PAFAH1B3: variants seen among roughly 807,000 people sequenced by gnomAD.
PAFAH1B3 encodes platelet activating factor acetylhydrolase 1b catalytic subunit 3.
In PAFAH1B3, 15 loss-of-function variants were observed where a neutral mutation model predicts 24.4. That is an observed-to-expected ratio of 0.62 (90% confidence interval 0.41 to 0.95). The LOEUF is 0.95. Among genes scored for constraint, PAFAH1B3 ranks in the 40% least tolerant of loss-of-function variants. The pLI is 0.00. For missense variants in PAFAH1B3, 266 were observed against 312.2 expected (o/e 0.85, Z 1.12); for synonymous variants, 144 against 126.5 (o/e 1.14, Z -0.93).
At chr19:42,299,341 T>TC (rs1433731328) in intron 4 of PAFAH1B3, among the ~76,000 whole-genome samples, 1 of 152,084 alleles carries the variant, frequency 6.6e-6, no homozygotes, top group Non-Finnish European at 1.5e-5. Flanking sequence ...GGTCTTGAAC[T>TC]CCCGACCTCA....
chr19:42,299,847 T>G (rs2147383491), intron 4 of PAFAH1B3, 123 bp downstream of exon 4: 1,946 of 1,234,652 alleles, frequency 1.6e-3, no homozygotes, highest in Non-Finnish European at 2.0e-3. Flanking sequence ...AGCTCCAACG[T>G]GAGATTCTGC....
chr19:42,300,717 C>T (rs2038608683), intron 2 of PAFAH1B3, among the ~76,000 whole-genome samples: 1 of 152,180 alleles, frequency 6.6e-6, no homozygotes, highest in Non-Finnish European at 1.5e-5. Context: ...TGGGGTTTCA[C>T]CATGTGGGCC....
At chr19:42,301,573 A>T (rs2038627217) in intron 2 of PAFAH1B3, among the ~76,000 whole-genome samples, 1 of 152,200 alleles carries the variant, frequency 6.6e-6, no homozygotes, top group South Asian at 2.1e-4. Context: ...AGATATTATT[A>T]TGATTGAGTC....
Position 42,302,473 on chromosome 19 carries a change from C to T in PAFAH1B3, c.-164G>A, listed in dbSNP as rs1184678758. On this transcript the variant is annotated 5_prime_UTR_variant, in exon 1 of 5. Coordinates refer to ENST00000262890, the MANE Select transcript of PAFAH1B3 (RefSeq NM_002573.4). ...GAAGGCCGATACAGGGCGCCGCCTC[C>T]TCTCCAGGGACGGAAGCCTTCACTT... The T allele has an allele frequency of 1.6e-6, 1 of 616,152 alleles. No individual in the cohort carries two copies. The highest frequency in any genetic ancestry group is 2.8e-6 in the Non-Finnish European group (1 of 356,348). 38.2% of individuals were successfully genotyped at this position (616,152 alleles called of 1,614,324 possible).
Position 42,300,097 on chromosome 19 carries a change from G to T in PAFAH1B3, c.286-5C>A. On this transcript the variant is annotated splice_region_variant and splice_polypyrimidine_tract_variant and intron_variant, in intron 3 of 4. Transcript: ENST00000262890. ...GCCCACCCAGACCACCACAATCTGTGGAAAAAGAGACATGAAGCAGCGGTG... is the reference window on the plus strand; with the variant it reads ...GCCCACCCAGACCACCACAATCTGTTGAAAAAGAGACATGAAGCAGCGGTG... 1 of 1,614,088 alleles carries T rather than the reference G, an allele frequency of 6.2e-7. No individual in the cohort carries two copies. Among genetic ancestry groups the T allele is most frequent in the Non-Finnish European group, 8.5e-7 (1 of 1,180,000 alleles).
rs1391580490 is a variant in PAFAH1B3, at chr19:42,297,428, A to G, written c.409-63T>C. On this transcript the variant is annotated intron_variant, in intron 4 of 4. Transcript: ENST00000262890. ...TTTGAGTATCTTGTTCTCTGTGCCA[A>G]CCTGTCCTCCACCCACCACCATGAA... 2.0e-5 allele frequency: 24 copies of G among 1,229,288 alleles called. 1 individual carries two copies. The South Asian group carries it at 2.9e-4, about 15-fold the overall frequency. 76.1% of individuals were successfully genotyped at this position (1,229,288 alleles called of 1,614,324 possible). A position where few individuals can be genotyped will look rare whatever the true frequency, so the allele number is the denominator to read the frequency against.
chr19:42,302,353 CG>C lies in PAFAH1B3; in HGVS notation c.-45del. On this transcript the variant is annotated 5_prime_UTR_variant, in exon 1 of 5. Coordinates refer to ENST00000262890, the MANE Select transcript of PAFAH1B3 (RefSeq NM_002573.4). Reference sequence around the variant, plus strand: ...GCAGGATGAGCGAGTCGGGTCGGCCCGGGAGTGTTCCGAACGGAGCTGGCTC... The same window carrying C: ...GCAGGATGAGCGAGTCGGGTCGGCCCGGAGTGTTCCGAACGGAGCTGGCTC... The C allele has an allele frequency of 6.5e-7, 1 of 1,536,370 alleles. No homozygotes were observed. The highest frequency in any genetic ancestry group is 1.2e-5 in the South Asian group (1 of 84,294).
chr19:42,301,092 G>A (rs2038617721), intron 2 of PAFAH1B3, among the ~76,000 whole-genome samples: 1 of 152,236 alleles, frequency 6.6e-6, no homozygotes, highest in Admixed American at 6.5e-5. Context: ...TGGGATTACA[G>A]GCGTAAGCCA....
rs1049358693 is a variant in PAFAH1B3, at chr19:42,302,397, C to T, written c.-88G>A. 4.1e-6 allele frequency: 5 copies of T among 1,226,278 alleles called. No homozygotes were observed. The highest frequency in any genetic ancestry group is 5.7e-6 in the Non-Finnish European group (5 of 882,032). The allele number at this position is 1,226,278 out of a possible 1,614,324, so 76.0% of individuals were successfully genotyped here. A position where few individuals can be genotyped will look rare whatever the true frequency, so the allele number is the denominator to read the frequency against. On this transcript the variant is annotated 5_prime_UTR_variant, in exon 1 of 5. Coordinates refer to ENST00000262890, the MANE Select transcript of PAFAH1B3 (RefSeq NM_002573.4). ...GCTGGCTCCGCCACGCCCACTCCTACCCCTCGCGGCAACAAAGGACCGTCC... is the reference window on the plus strand; with the variant it reads ...GCTGGCTCCGCCACGCCCACTCCTATCCCTCGCGGCAACAAAGGACCGTCC...
rs779029713 is a variant in PAFAH1B3, at chr19:42,297,284, C to T, written c.490G>A (p.Ala164Thr). The change falls in exon 5 of 5, where the codon GCT (alanine) becomes ACT (threonine). Residue 164 changes from alanine to threonine, a missense_variant. By Grantham distance (58) the Ala-to-Thr change is moderately conservative. Transcript: ENST00000262890. ...AGGAAGTGGGCCCGAGGGTGGCCAG[C>T]CAGTGCCGCCCGTACCAGCTCGTTC... ...QVNELVRAALAGHPRAHFLDA... is the reference protein window; with the variant it reads ...QVNELVRAALTGHPRAHFLDA... 6.2e-7 allele frequency: 1 copy of T among 1,614,120 alleles called. No homozygotes were observed. Among genetic ancestry groups the T allele is most frequent in the Non-Finnish European group, 8.5e-7 (1 of 1,180,016 alleles).
At chr19:42,298,980 A>AT (rs1209216006) in intron 4 of PAFAH1B3, among the ~76,000 whole-genome samples, 1 of 147,944 alleles carries the variant, frequency 6.8e-6, no homozygotes, top group African/African-American at 2.5e-5. Flanking sequence ...CGCCCGGCTA[A>AT]TTTTTTGTAT....
chr19:42,299,416 C>T (rs930204913), intron 4 of PAFAH1B3, among the ~76,000 whole-genome samples: 2 of 151,684 alleles, frequency 1.3e-5, no homozygotes, highest in African/African-American at 4.8e-5. Flanking sequence ...TGCGCCCAGC[C>T]CATGCCCAAC....
In PAFAH1B3 at chr19:42,302,403, G is replaced by A. The variant is rs1364834320; in HGVS notation, c.-94C>T. On this transcript the variant is annotated 5_prime_UTR_variant, in exon 1 of 5. Transcript: ENST00000262890. ...TCCGCCACGCCCACTCCTACCCCTC[G>A]CGGCAACAAAGGACCGTCCCAACGC... 3 of 1,189,170 alleles carry A rather than the reference G, an allele frequency of 2.5e-6. No individual in the cohort carries two copies. The East Asian group carries it at 7.7e-5, about 30-fold the overall frequency. The allele number at this position is 1,189,170 out of a possible 1,614,324, so 73.7% of individuals were successfully genotyped here. A position where few individuals can be genotyped will look rare whatever the true frequency, so the allele number is the denominator to read the frequency against.
chr19:42,300,443 A>G (rs891157166), intron 2 of PAFAH1B3, among the ~76,000 whole-genome samples, 156 bp from the exon 3 acceptor site: 1 of 152,266 alleles, frequency 6.6e-6, no homozygotes, highest in African/African-American at 2.4e-5. Flanking sequence ...AGCAAACTCC[A>G]GCATGGCTGA....
Position 42,297,354 on chromosome 19 carries a change from C to G in PAFAH1B3, c.420G>C (p.Pro140=). The G allele has an allele frequency of 6.2e-7, 1 of 1,606,840 alleles. No individual in the cohort carries two copies. The highest frequency in any genetic ancestry group is 1.1e-5 in the South Asian group (1 of 90,938). ...GAAGTGGGTTGGGATGTTGGCCTCG[C>G]GGAAGCAGGCCCTGAGCAGGAACAC... ...QARVVVLGLL[P]RGQHPNPLRE... is the part of the protein sequence containing the mutation. The change falls in exon 5 of 5, where the codon CCG becomes CCC. Residue 140 remains proline, a synonymous_variant. Coordinates refer to ENST00000262890, the MANE Select transcript of PAFAH1B3 (RefSeq NM_002573.4).
At chr19:42,300,430 T>C (rs1471957698) in intron 2 of PAFAH1B3, 143 bp from the exon 3 acceptor site, 8 of 667,368 alleles carry the variant, frequency 1.2e-5, no homozygotes, top group Non-Finnish European at 1.9e-5. Context: ...AAATTTTACC[T>C]GGAGCAAACT....
chr19:42,302,070 C>CA lies in PAFAH1B3; in HGVS notation c.79-32dup, dbSNP rs1428416043. On this transcript the variant is annotated intron_variant, in intron 1 of 4. Coordinates refer to ENST00000262890, the MANE Select transcript of PAFAH1B3 (RefSeq NM_002573.4). ...GGAGCGCGCGAGAGGGAGTCAATGG[C>CA]ATGCACGCTCCAGGGCCCGCCCCGC... is the stretch of plus-strand genomic sequence containing the variant. 2.6e-6 allele frequency: 4 copies of CA among 1,548,336 alleles called. No individual in the cohort carries two copies. In the East Asian group the frequency reaches 9.7e-5, roughly 38 times the overall value.
chr19:42,301,742 A>G (rs2038631227), intron 2 of PAFAH1B3, among the ~76,000 whole-genome samples: 1 of 152,230 alleles, frequency 6.6e-6, no homozygotes, highest in African/African-American at 2.4e-5. Flanking sequence ...GTCTTAGTAC[A>G]TTATACACAA....
intron 1 of PAFAH1B3, 49 bp from the exon 2 acceptor site, chr19:42,302,088 C>G (rs1160918217): frequency 3.3e-6 from 5 of 1,517,220 alleles, no homozygotes; most frequent in Non-Finnish European, 4.5e-6. Flanking sequence ...CTCCAGGGCC[C>G]GCCCCGCCCT....
Sources: allele counts gnomAD v4.1 joint callset (sites outside exome capture counted in the v4.1 genomes callset), GRCh38; gene constraint gnomAD v4.1.1; transcripts MANE v1.5; gene names NCBI Gene and HGNC (gene_info 2026-07-23, HGNC 2026-07-21).